Variants in SETBP1 observed in about 807,000 individuals in gnomAD.
The protein encoded by SETBP1 is SET-binding protein.
In SETBP1, 9 loss-of-function variants were observed where a neutral mutation model predicts 101.0. The observed-to-expected ratio is 0.09, with a 90% CI of 0.05 to 0.16. The LOEUF (loss-of-function observed/expected upper bound fraction) is 0.16, where lower values mean the gene tolerates loss of function less well. SETBP1 is among the 10% of genes least tolerant of loss of function. The probability of loss-of-function intolerance (pLI) is 1.00; values close to 1 mark genes in which losing one functional copy is unlikely to be tolerated. For missense variants in SETBP1, 1,858 were observed against 2,033.8 expected (o/e 0.91, Z 1.66); for synonymous variants, 818 against 788.5 (o/e 1.04, Z -0.63).
At chr18:44,871,764 G>A (rs1340123541) in intron 3 of SETBP1, 1 of 152,108 alleles carries the variant, frequency 6.6e-6, no homozygotes, top group East Asian at 1.9e-4. Context: ...TTCATTCCTG[G>A]AAATAAACAC....
chr18:44,968,550 C>T (rs2071772348), intron 4 of SETBP1, among the ~76,000 whole-genome samples: 1 of 152,134 alleles, frequency 6.6e-6, no homozygotes, highest in South Asian at 2.1e-4. Flanking sequence ...TGAGAGGGCG[C>T]TGCCAGCAAG....
At chr18:45,015,218 A>C (rs1419873450) in intron 4 of SETBP1, among the ~76,000 whole-genome samples, 1 of 152,208 alleles carries the variant, frequency 6.6e-6, no homozygotes, top group Admixed American at 6.5e-5. Flanking sequence ...ACTAGAATAA[A>C]ATCAACTTCT....
At chr18:44,789,620 C>T (rs1035205039) in intron 2 of SETBP1, among the ~76,000 whole-genome samples, 2 of 152,180 alleles carry the variant, frequency 1.3e-5, no homozygotes, top group Admixed American at 1.3e-4. Flanking sequence ...CACCTCCCTG[C>T]GCTCTCGCTC....
intron 2 of SETBP1, among the ~76,000 whole-genome samples, chr18:44,821,812 GA>G (rs2072119687): frequency 6.6e-6 from 1 of 152,182 alleles, no homozygotes; most frequent in Non-Finnish European, 1.5e-5. Context: ...AATTTCCTCA[GA>G]ATCAGAGCTG....
At chr18:44,997,350 A>G (rs2072519950) in intron 4 of SETBP1, among the ~76,000 whole-genome samples, 1 of 152,132 alleles carries the variant, frequency 6.6e-6, no homozygotes, top group East Asian at 1.9e-4. Context: ...GAAGAAACCC[A>G]GGCCTTATGC....
chr18:44,986,140 GC>G (rs2072227826), intron 4 of SETBP1: 1 of 152,170 alleles, frequency 6.6e-6, no homozygotes, highest in Non-Finnish European at 1.5e-5. Flanking sequence ...ACACACCTAA[GC>G]TATATGGTGT....
intron 3 of SETBP1, among the ~76,000 whole-genome samples, chr18:44,890,233 A>C (rs1010369330): frequency 2.0e-5 from 3 of 152,080 alleles, no homozygotes; most frequent in African/African-American, 7.2e-5. Context: ...GAACTCTTTG[A>C]CCAGCATCTC....
At chr18:44,827,305 T>G (rs1201744331) in intron 2 of SETBP1, among the ~76,000 whole-genome samples, 2 of 152,228 alleles carry the variant, frequency 1.3e-5, no homozygotes, top group Non-Finnish European at 2.9e-5. Flanking sequence ...GGATTCTAAC[T>G]GCATCCCCTT....
At chr18:44,844,347 ACG>A (rs35857171) in intron 2 of SETBP1, among the ~76,000 whole-genome samples, 10,210 of 117,424 alleles carry the variant, frequency 0.087, 444 homozygotes, top group African/African-American at 0.17. Flanking sequence ...ACGTGCACAC[ACG>A]CGCGCACACA....
At position 44,951,099 on chromosome 18, in the gene SETBP1, C is replaced by T; in HGVS notation, c.1759C>T (p.Arg587Trp). 1.2e-6 allele frequency: 2 copies of T among 1,614,066 alleles called. No homozygotes were observed. Among genetic ancestry groups the T allele is most frequent in the Non-Finnish European group, 1.7e-6 (2 of 1,180,014 alleles). Residue 587 changes from arginine to tryptophan, a missense_variant, in exon 4 of 6, where the codon CGG becomes TGG. Physicochemically the swap from Arg to Trp is moderately radical, Grantham distance 101. Coordinates refer to ENST00000649279, the MANE Select transcript of SETBP1 (RefSeq NM_015559.3). The surrounding 1 kb of genome is among the most constrained non-coding windows in gnomAD (Gnocchi z 7.8). ...LTVITPVKKK[R>W]GRPKKQPLLT... Reference sequence around the variant, plus strand: ...TGTGATCACTCCAGTCAAAAAGAAGCGGGGACGACCAAAGAAGCAGCCTTT... The same window carrying T: ...TGTGATCACTCCAGTCAAAAAGAAGTGGGGACGACCAAAGAAGCAGCCTTT...
intron 3 of SETBP1, among the ~76,000 whole-genome samples, chr18:44,916,834 C>G (rs1303693519): frequency 1.3e-5 from 2 of 152,210 alleles, no homozygotes; most frequent in Non-Finnish European, 2.9e-5. Flanking sequence ...ATAGTTTCCT[C>G]TCTTATGAAC....
chr18:44,890,171 CA>C (rs1429203984), intron 3 of SETBP1, among the ~76,000 whole-genome samples: 1 of 152,032 alleles, frequency 6.6e-6, no homozygotes, highest in Non-Finnish European at 1.5e-5. Flanking sequence ...TAACTATAGT[CA>C]CTATGTTGTA....
intron 2 of SETBP1, among the ~76,000 whole-genome samples, chr18:44,864,785 T>A (rs1222715260): frequency 6.6e-6 from 1 of 152,078 alleles, no homozygotes; most frequent in Non-Finnish European, 1.5e-5. Context: ...CCAGCCTGAT[T>A]GGAGTCCCTA....
At chr18:45,037,173 GT>G (rs1442595078) in intron 4 of SETBP1, among the ~76,000 whole-genome samples, 1 of 152,180 alleles carries the variant, frequency 6.6e-6, no homozygotes, top group African/African-American at 2.4e-5. Context: ...TGTTGCTGCT[GT>G]TAGTGTTATG....
At chr18:45,025,879 T>C (rs1286203480) in intron 4 of SETBP1, among the ~76,000 whole-genome samples, 2 of 152,198 alleles carry the variant, frequency 1.3e-5, no homozygotes, top group African/African-American at 4.8e-5. Flanking sequence ...TGGGCTAATC[T>C]TTCGCAAGCC....
chr18:44,735,654 C>T (rs1340545080), intron 2 of SETBP1, among the ~76,000 whole-genome samples: 1 of 152,130 alleles, frequency 6.6e-6, no homozygotes, highest in Non-Finnish European at 1.5e-5. Flanking sequence ...GTGGCCCAGT[C>T]TTCCTGGGAT....
At chr18:44,736,880 T>TAAG (rs1236233411) in intron 2 of SETBP1, among the ~76,000 whole-genome samples, 8 of 152,220 alleles carry the variant, frequency 5.3e-5, no homozygotes, top group Non-Finnish European at 1.0e-4. Flanking sequence ...AGCCTACTCT[T>TAAG]ATCTCCATTG....
intron 2 of SETBP1, among the ~76,000 whole-genome samples, chr18:44,759,065 T>C (rs138417795): frequency 2.6e-5 from 4 of 152,356 alleles, no homozygotes; most frequent in East Asian, 3.9e-4. Flanking sequence ...CTCTTCCAAA[T>C]TGGAGAACCA....
intron 2 of SETBP1, among the ~76,000 whole-genome samples, chr18:44,826,078 A>G (rs1174494248): frequency 1.3e-5 from 2 of 152,236 alleles, no homozygotes; most frequent in African/African-American, 4.8e-5. Context: ...TTGTAACTAA[A>G]TGTGATTGAA....
Sources: gnomAD v4.1 joint callset for allele counts (sites outside exome capture counted in the v4.1 genomes callset) on GRCh38, gnomAD v4.1.1 for gene constraint, Gnocchi (gnomAD v3.1) non-coding constraint, MANE v1.5 for transcripts, NCBI Gene and HGNC (gene_info 2026-07-23, HGNC 2026-07-21) for gene names.